GPC5: variants seen among roughly 807,000 people sequenced by gnomAD.
GPC5 encodes the protein glypican 5.
A neutral mutation model predicts 53.9 loss-of-function variants in GPC5; 47 were observed. The observed-to-expected ratio is 0.87, with a 90% CI of 0.69 to 1.11. GPC5 has a LOEUF of 1.11. Ranked by LOEUF, GPC5 falls within the 50% of genes most tolerant of loss-of-function variation. The pLI, the probability that GPC5 is intolerant of heterozygous loss-of-function variation, is 0.00. For synonymous variants in GPC5, 286 were observed against 263.3 expected (o/e 1.09, Z -0.84); for missense variants, 748 against 713.1 (o/e 1.05, Z -0.56).
At chr13:91,707,825 A>AATAT (rs142168946) in intron 3 of GPC5, among the ~76,000 whole-genome samples, 2 of 151,568 alleles carry the variant, frequency 1.3e-5, no homozygotes, top group African/African-American at 4.9e-5. Flanking sequence ...AAGATAACAT[A>AATAT]ATATATATAT....
chr13:91,920,383 G>A (rs2039699459), intron 6 of GPC5, among the ~76,000 whole-genome samples: 1 of 152,138 alleles, frequency 6.6e-6, no homozygotes, highest in Non-Finnish European at 1.5e-5. Context: ...GTAATAGGAA[G>A]TAAAATGATG....
intron 6 of GPC5, among the ~76,000 whole-genome samples, chr13:92,054,451 A>G (rs1159035148): frequency 6.6e-6 from 1 of 152,152 alleles, no homozygotes. Flanking sequence ...AATTGTTCTG[A>G]GTATTTTATG....
At chr13:92,452,728 C>T (rs1193768141) in intron 7 of GPC5, among the ~76,000 whole-genome samples, 1 of 152,080 alleles carries the variant, frequency 6.6e-6, no homozygotes, top group African/African-American at 2.4e-5. Context: ...CAGCCACACC[C>T]GGCTAATATT....
intron 6 of GPC5, among the ~76,000 whole-genome samples, chr13:92,009,066 C>A (rs1173624396): frequency 1.3e-5 from 2 of 151,840 alleles, no homozygotes; most frequent in Admixed American, 1.3e-4. Context: ...TTATGTTTTC[C>A]TTTAAATACT....
chr13:91,858,069 G>T (rs2038986594), intron 5 of GPC5, among the ~76,000 whole-genome samples: 1 of 151,386 alleles, frequency 6.6e-6, no homozygotes, highest in African/African-American at 2.4e-5. Flanking sequence ...GTTTATTATT[G>T]TTTTTAGTAA....
chr13:92,310,814 A>G (rs1313477713), intron 7 of GPC5, among the ~76,000 whole-genome samples: 1 of 152,244 alleles, frequency 6.6e-6, no homozygotes, highest in Non-Finnish European at 1.5e-5. Flanking sequence ...GTAAACAAAT[A>G]GTAACCAGAT....
intron 7 of GPC5, among the ~76,000 whole-genome samples, chr13:92,212,622 A>G (rs1239478571): frequency 6.6e-6 from 1 of 152,168 alleles, no homozygotes; most frequent in African/African-American, 2.4e-5. Context: ...AGTAGTAATG[A>G]ATTTTCCTTT....
chr13:91,409,710 C>T (rs1335905428), intron 1 of GPC5, among the ~76,000 whole-genome samples: 1 of 151,184 alleles, frequency 6.6e-6, no homozygotes, highest in Non-Finnish European at 1.5e-5. Flanking sequence ...TGTTTTTTCT[C>T]CCGACTTTCA....
In GPC5 at chr13:92,790,546, C is replaced by T. The variant is rs111341136; in HGVS notation, c.1562-75736C>T. On this transcript the variant is annotated intron_variant, in intron 7 of 7. Transcript: ENST00000377067. ...AAAAAGAAAATTAAGTGTGCTTGTG[C>T]GAAGAATGTAACATATTTAGTGAGG... 8.9e-3 allele frequency among the ~76,000 whole-genome samples: 1,357 copies of T among 151,978 alleles called. 15 individuals carry two copies. Among genetic ancestry groups the T allele is most frequent in the African/African-American group, 0.029 (1,218 of 41,428 alleles).
chr13:91,922,079 G>C (rs2039721154), intron 6 of GPC5, among the ~76,000 whole-genome samples: 1 of 152,092 alleles, frequency 6.6e-6, no homozygotes, highest in Admixed American at 6.6e-5. Context: ...GCATTGCCAA[G>C]AGTTGATAAA....
intron 4 of GPC5, among the ~76,000 whole-genome samples, chr13:91,732,061 G>A (rs1052580064): frequency 6.6e-6 from 1 of 152,222 alleles, no homozygotes; most frequent in Non-Finnish European, 1.5e-5. Flanking sequence ...TAGTGGGATT[G>A]TTGGGTCAAA....
At chr13:91,831,068 C>A (rs2038652071) in intron 5 of GPC5, among the ~76,000 whole-genome samples, 1 of 133,852 alleles carries the variant, frequency 7.5e-6, no homozygotes, top group Admixed American at 8.3e-5. Context: ...TTATATATAT[C>A]CTATTATTAT....
chr13:92,663,466 C>T (rs944637609), intron 7 of GPC5, among the ~76,000 whole-genome samples: 7 of 150,644 alleles, frequency 4.6e-5, no homozygotes, highest in Non-Finnish European at 1.0e-4. Flanking sequence ...AGGTGGGGCG[C>T]GGTGGCTCAC....
At chr13:92,514,999 T>C (rs1880717046) in intron 7 of GPC5, among the ~76,000 whole-genome samples, 1 of 152,068 alleles carries the variant, frequency 6.6e-6, no homozygotes, top group Non-Finnish European at 1.5e-5. Context: ...ACATATTTGT[T>C]GAAAAATTAG....
intron 2 of GPC5, among the ~76,000 whole-genome samples, chr13:91,677,521 G>A (rs2035411171): frequency 6.6e-6 from 1 of 152,110 alleles, no homozygotes. Context: ...AGAACCTCAA[G>A]TCCCAGAGCT....
intron 2 of GPC5, among the ~76,000 whole-genome samples, chr13:91,667,769 C>T (rs1367999124): frequency 1.3e-5 from 2 of 152,072 alleles, no homozygotes; most frequent in Non-Finnish European, 2.9e-5. Context: ...GGGCACATGC[C>T]CAGTGATTCA....
intron 7 of GPC5, among the ~76,000 whole-genome samples, chr13:92,634,397 G>C (rs1885350095): frequency 6.6e-6 from 1 of 152,044 alleles, no homozygotes; most frequent in African/African-American, 2.4e-5. Flanking sequence ...GAGGCCTTTT[G>C]TATCTTGGTG....
chr13:91,828,347 ATAGGTAGGTAGGTAGGTAGGTAGGTAGG>A (rs144877705), intron 5 of GPC5, among the ~76,000 whole-genome samples: 2 of 150,178 alleles, frequency 1.3e-5, no homozygotes, highest in Non-Finnish European at 3.0e-5. Flanking sequence ...AGATAGGTAG[ATAGGTAGGTAGGTAGGTAGGTAGGTAGG>A]TAGGTAGGTA....
Position 92,186,333 on chromosome 13 carries a change from G to A in GPC5, c.1561+41344G>A, listed in dbSNP as rs563082143. ...TAATAAGATTTGAAAATTTGAAAAT[G>A]TATCATAATTATCATTGGATATAGT... On this transcript the variant is annotated intron_variant, in intron 7 of 7. Transcript: ENST00000377067. Among the ~76,000 whole-genome samples the A allele has an allele frequency of 4.0e-4, 61 of 152,040 alleles. 1 individual carries two copies. The South Asian group carries it at 0.012, about 31-fold the overall frequency.
Sources: allele counts gnomAD v4.1 joint callset (sites outside exome capture counted in the v4.1 genomes callset), GRCh38; gene constraint gnomAD v4.1.1; transcripts MANE v1.5; gene names NCBI Gene and HGNC (gene_info 2026-07-23, HGNC 2026-07-21).